The following SRSF7 variants were observed in gnomAD, a reference collection of about 807,000 sequenced individuals.
The protein encoded by SRSF7 is serine and arginine rich splicing factor 7.
A neutral mutation model predicts 42.2 loss-of-function variants in SRSF7; 15 were observed. That is an observed-to-expected ratio of 0.36 (90% CI 0.24 to 0.55). The LOEUF (loss-of-function observed/expected upper bound fraction) is 0.55, where lower values mean the gene tolerates loss of function less well. Ranked by LOEUF, SRSF7 falls within the 20% of genes least tolerant of loss-of-function variation. SRSF7 has a pLI of 0.88. For missense variants in SRSF7, 181 were observed against 305.9 expected (o/e 0.59, Z 3.04); for synonymous variants, 138 against 107.9 (o/e 1.28, Z -1.73).
At chr2:38,750,827 T>C (rs1025333853) in intron 1 of SRSF7, 1 of 227,528 alleles carries the variant, frequency 4.4e-6, no homozygotes, top group Non-Finnish European at 9.0e-6. Flanking sequence ...ATCTTACAGC[T>C]GCGGCCAGAT....
intron 7 of SRSF7, 95 bp from the exon 8 acceptor site, chr2:38,745,282 G>T: frequency 7.7e-7 from 1 of 1,291,042 alleles, no homozygotes; most frequent in Non-Finnish European, 1.1e-6. Context: ...GGTGGCCTAA[G>T]GTACTAATTT....
intron 1 of SRSF7, 57 bp from the exon 2 acceptor site, chr2:38,750,251 A>C: frequency 6.6e-7 from 1 of 1,521,882 alleles, no homozygotes; most frequent in Non-Finnish European, 8.9e-7. Flanking sequence ...CCCAAGTTTC[A>C]ATTACTTATT....
intron 6 of SRSF7, among the ~76,000 whole-genome samples, 157 bp downstream of exon 6, chr2:38,746,536 GC>G (rs1372008916): frequency 6.6e-6 from 1 of 152,190 alleles, no homozygotes; most frequent in Non-Finnish European, 1.5e-5. Flanking sequence ...GGGAAAGTCA[GC>G]CAGTAATAAA....
In SRSF7 at chr2:38,744,659, G is replaced by A; in HGVS notation, c.*474C>T. On this transcript the variant is annotated 3_prime_UTR_variant, in exon 8 of 8. Transcript: ENST00000313117. Reference sequence around the variant, plus strand: ...TTAAGGATCTGTCATGATGCATTCAGGCTGTATCATAAGGGACTCAGGTCA... The same window carrying A: ...TTAAGGATCTGTCATGATGCATTCAAGCTGTATCATAAGGGACTCAGGTCA... 6.3e-6 allele frequency: 1 copy of A among 159,900 alleles called. No homozygotes were observed. The highest frequency in any genetic ancestry group is 1.4e-5 in the Non-Finnish European group (1 of 72,672). 9.9% of individuals were successfully genotyped at this position (159,900 alleles called of 1,614,324 possible). A position where few individuals can be genotyped will look rare whatever the true frequency, so the allele number is the denominator to read the frequency against.
upstream of SRSF7, chr2:38,751,408 G>A (rs1257036533): frequency 1.0e-6 from 1 of 992,200 alleles, no homozygotes; most frequent in African/African-American, 1.6e-5. Flanking sequence ...GCTGCGCTTT[G>A]CGCATGCGTC....
At chr2:38,746,592 GTTT>G in intron 6 of SRSF7, 99 bp downstream of exon 6, 1 of 1,544,550 alleles carries the variant, frequency 6.5e-7, no homozygotes, top group Non-Finnish European at 8.8e-7. Context: ...TAAAACCTAA[GTTT>G]AGAGTTAACA....
intron 1 of SRSF7, chr2:38,750,803 C>T: frequency 4.9e-6 from 1 of 206,080 alleles, no homozygotes; most frequent in South Asian, 7.6e-5. Flanking sequence ...CGTTCTATCT[C>T]AAACACAACC....
intron 1 of SRSF7, among the ~76,000 whole-genome samples, chr2:38,750,553 G>T (rs1181656971): frequency 1.3e-5 from 2 of 151,770 alleles, no homozygotes; most frequent in Admixed American, 6.6e-5. Context: ...CGGCGTCGGC[G>T]GCGGGAGGGC....
intron 4 of SRSF7, 91 bp downstream of exon 4, chr2:38,748,488 G>T: frequency 7.5e-7 from 1 of 1,338,238 alleles, no homozygotes; most frequent in Non-Finnish European, 1.1e-6. Context: ...GCAAGACCCT[G>T]TCTCCAAAAA....
chr2:38,746,900 A>G lies in SRSF7; in HGVS notation c.573-153T>C, dbSNP rs554041564. ...TATTCTGTCTAACACACTGTCAAAC[A>G]AAGTGTTACCAGACATAAGGAACCC... On this transcript the variant is annotated intron_variant, in intron 5 of 7. Coordinates refer to ENST00000313117, the MANE Select transcript of SRSF7 (RefSeq NM_001031684.3). The G allele has an allele frequency of 3.0e-6, 4 of 1,330,646 alleles. No homozygotes were observed. The South Asian group carries it at 4.3e-5, about 14-fold the overall frequency. The allele number at this position is 1,330,646 out of a possible 1,614,324, so 82.4% of individuals were successfully genotyped here. A position where few individuals can be genotyped will look rare whatever the true frequency, so the allele number is the denominator to read the frequency against.
chr2:38,750,276 C>A, intron 1 of SRSF7, 82 bp from the exon 2 acceptor site: 2 of 1,334,938 alleles, frequency 1.5e-6, no homozygotes, highest in South Asian at 1.4e-5. Flanking sequence ...TTAAAACGGG[C>A]CATCCTCAAG....
In SRSF7 at chr2:38,748,561, A is replaced by G. The variant is rs774937089; in HGVS notation, c.461+18T>C. ...TTTAATAATAATACAGAAAGACTTC[A>G]GTTAAACAAGATCTCACCTTCGTCC... is the stretch of plus-strand genomic sequence containing the variant. On this transcript the variant is annotated intron_variant, in intron 4 of 7. Coordinates refer to ENST00000313117, the MANE Select transcript of SRSF7 (RefSeq NM_001031684.3). The G allele has an allele frequency of 1.2e-4, 189 of 1,610,612 alleles. No individual in the cohort carries two copies. The highest frequency in any genetic ancestry group is 1.6e-4 in the Non-Finnish European group (185 of 1,177,012).
intron 3 of SRSF7, 35 bp downstream of exon 3, chr2:38,749,494 T>A (rs374510439): frequency 4.5e-6 from 7 of 1,548,560 alleles, no homozygotes. Flanking sequence ...CTTGATTAAC[T>A]AGAATACCAA....
In SRSF7 at chr2:38,743,725, C is replaced by T; in HGVS notation, c.*1408G>A. Reference sequence around the variant, plus strand: ...AGTTATACACATAACTTTATACCAACCATAATTCAGCCAGTCAAAATTCCA... The same window carrying T: ...AGTTATACACATAACTTTATACCAATCATAATTCAGCCAGTCAAAATTCCA... On this transcript the variant is annotated 3_prime_UTR_variant, in exon 8 of 8. Coordinates refer to ENST00000313117, the MANE Select transcript of SRSF7 (RefSeq NM_001031684.3). 1 of 152,622 alleles carries T rather than the reference C, an allele frequency of 6.6e-6. No homozygotes were observed. Among genetic ancestry groups the T allele is most frequent in the Non-Finnish European group, 1.5e-5 (1 of 68,050 alleles). 9.5% of individuals were successfully genotyped at this position (152,622 alleles called of 1,614,324 possible).
In SRSF7 at chr2:38,744,949, A is replaced by C; in HGVS notation, c.*184T>G. The C allele has an allele frequency of 1.9e-6, 1 of 533,478 alleles. No homozygotes were observed. Among genetic ancestry groups the C allele is most frequent in the Non-Finnish European group, 3.2e-6 (1 of 312,282 alleles). The allele number at this position is 533,478 out of a possible 1,614,324, so 33.0% of individuals were successfully genotyped here. A position where few individuals can be genotyped will look rare whatever the true frequency, so the allele number is the denominator to read the frequency against. On this transcript the variant is annotated 3_prime_UTR_variant, in exon 8 of 8. Transcript: ENST00000313117. The stretch of plus-strand genomic sequence containing the variant: ...AAATAAAAACCCACATTTTCAGACC[A>C]TATGATGTTAATACATTCAACAAAA...
intron 1 of SRSF7, chr2:38,750,927 G>A (rs994221776): frequency 2.1e-5 from 8 of 384,322 alleles, no homozygotes; most frequent in Non-Finnish European, 3.4e-5. Flanking sequence ...CGAGGGCGGG[G>A]GGGGAGGGGG....
At chr2:38,751,179 G>C in intron 1 of SRSF7, 50 bp downstream of exon 1, 3 of 1,612,170 alleles carry the variant, frequency 1.9e-6, no homozygotes, top group Non-Finnish European at 2.5e-6. Context: ...CGGCCTCGCA[G>C]TGCTCACTAC....
chr2:38,744,174 T>C lies in SRSF7; in HGVS notation c.*959A>G. ...ATTACTTTGCACCAGCCTGGCAAAA[T>C]AGAAGAATGTTGTGGTTGGGAACTG... On this transcript the variant is annotated 3_prime_UTR_variant, in exon 8 of 8. Transcript: ENST00000313117. The C allele has an allele frequency of 1.3e-5, 2 of 152,594 alleles. No individual in the cohort carries two copies. The highest frequency in any genetic ancestry group is 2.9e-5 in the Non-Finnish European group (2 of 68,042). The allele number at this position is 152,594 out of a possible 1,614,324, so 9.5% of individuals were successfully genotyped here.
chr2:38,746,263 A>C, intron 6 of SRSF7, 84 bp from the exon 7 acceptor site: 2 of 1,450,716 alleles, frequency 1.4e-6, no homozygotes, highest in Non-Finnish European at 9.7e-7. Flanking sequence ...AAACCCCCAA[A>C]TGTCCTAAGC....
Sources: allele counts gnomAD v4.1 joint callset (sites outside exome capture counted in the v4.1 genomes callset), GRCh38; gene constraint gnomAD v4.1.1; transcripts MANE v1.5; gene names NCBI Gene and HGNC (gene_info 2026-07-23, HGNC 2026-07-21).